The following STAB2 variants were observed in gnomAD, a reference collection of about 807,000 sequenced individuals.
STAB2 encodes the protein stabilin 2.
In STAB2, 288 loss-of-function variants were observed where a neutral mutation model predicts 338.1. The ratio of observed to expected loss-of-function variants is 0.85; its 90% CI spans 0.77 to 0.94. The LOEUF is 0.94. Ranked by LOEUF, STAB2 falls within the 40% of genes least tolerant of loss-of-function variation. The pLI, the probability that STAB2 is intolerant of heterozygous loss-of-function variation, is 0.00. For missense variants in STAB2, 3,141 were observed against 3,210.1 expected, an observed-to-expected ratio of 0.98 and a Z score of 0.52; for synonymous variants, 1,202 against 1,193.3, an observed-to-expected ratio of 1.01 and a Z score of -0.15.
chr12:103,600,136 G>A (rs889794891), intron 3 of STAB2, among the ~76,000 whole-genome samples: 5 of 152,192 alleles, frequency 3.3e-5, no homozygotes. Context: ...AATAGTACAT[G>A]CTCAATAAAT....
chr12:103,699,208 T>G lies in STAB2; in HGVS notation c.3695T>G (p.Phe1232Cys), dbSNP rs1878652763. The G allele has an allele frequency of 6.2e-7, 1 of 1,612,740 alleles. No homozygotes were observed. The highest frequency in any genetic ancestry group is 8.5e-7 in the Non-Finnish European group (1 of 1,178,986). ...TMLGFSYFLS[F>C]FLHNDQLYVN... ...CTGGGTTTCTCCTATTTCCTTAGCT[T>G]CTTTCTCCATAATGACCAGGTACGA... The change falls in exon 34 of 69, where the codon TTC (phenylalanine) becomes TGC (cysteine). Residue 1232 changes from phenylalanine to cysteine, a missense_variant. By Grantham distance (205) the Phe-to-Cys change is radical (BLOSUM62 -2). Transcript: ENST00000388887.
intron 9 of STAB2, among the ~76,000 whole-genome samples, chr12:103,643,148 T>C (rs1219460107): frequency 6.6e-6 from 1 of 152,092 alleles, no homozygotes; most frequent in African/African-American, 2.4e-5. Context: ...CCAAGGTGGA[T>C]AGGGGTAGGG....
chr12:103,662,339 G>A (rs566193403), intron 17 of STAB2, among the ~76,000 whole-genome samples: 1 of 152,206 alleles, frequency 6.6e-6, no homozygotes, highest in African/African-American at 2.4e-5. Context: ...TGCAGGGGGT[G>A]GGTGGCAGGT....
intron 51 of STAB2, 81 bp from the exon 52 acceptor site, chr12:103,735,409 TG>T: frequency 1.1e-6 from 1 of 882,822 alleles, no homozygotes; most frequent in Middle Eastern, 2.5e-4. Flanking sequence ...CATCTGAATT[TG>T]GTTTTTTGGT....
chr12:103,654,703 G>C lies in STAB2; in HGVS notation c.1551+5G>C. 1 of 1,612,860 alleles carries C rather than the reference G, an allele frequency of 6.2e-7. No individual in the cohort carries two copies. Among genetic ancestry groups the C allele is most frequent in the Non-Finnish European group, 8.5e-7 (1 of 1,179,554 alleles). On this transcript the variant is annotated splice_donor_5th_base_variant and intron_variant, in intron 13 of 68. Coordinates refer to ENST00000388887, the MANE Select transcript of STAB2 (RefSeq NM_017564.10). ...ACATTTGAGAGCAACAATGAGGTGA[G>C]TATTCAGATAAAAGTCACATCAGGC...
chr12:103,730,092 T>G, intron 48 of STAB2, 24 bp from the exon 49 acceptor site: 1 of 1,560,588 alleles, frequency 6.4e-7, no homozygotes, highest in Non-Finnish European at 8.6e-7. Context: ...CACTCATTTC[T>G]TTTTTGTTTT....
intron 28 of STAB2, among the ~76,000 whole-genome samples, 181 bp downstream of exon 28, chr12:103,688,396 C>T (rs1877623736): frequency 6.6e-6 from 1 of 152,130 alleles, no homozygotes; most frequent in Non-Finnish European, 1.5e-5. Context: ...AATATTCCTG[C>T]ATAGGTCCCA....
intron 49 of STAB2, among the ~76,000 whole-genome samples, chr12:103,731,121 CT>C: frequency 6.6e-6 from 1 of 152,134 alleles, no homozygotes; most frequent in Admixed American, 6.5e-5. Flanking sequence ...ACCTGATAAC[CT>C]TACCACCAAC....
intron 27 of STAB2, 86 bp from the exon 28 acceptor site, chr12:103,688,082 G>T: frequency 7.4e-7 from 1 of 1,352,014 alleles, no homozygotes. Flanking sequence ...AGGTGACCCA[G>T]AGATGCACTG....
At chr12:103,654,727 G>C in intron 13 of STAB2, 29 bp downstream of exon 13, 1 of 1,606,698 alleles carries the variant, frequency 6.2e-7, no homozygotes, top group African/African-American at 1.3e-5. Flanking sequence ...GTCACATCAG[G>C]CCAGGTCCAT....
intron 9 of STAB2, among the ~76,000 whole-genome samples, chr12:103,647,022 G>C (rs191102478): frequency 1.3e-5 from 2 of 152,196 alleles, no homozygotes; most frequent in Non-Finnish European, 2.9e-5. Flanking sequence ...GTAGTTTAGC[G>C]CTGCTGGAAT....
chr12:103,759,228 G>T lies in STAB2; in HGVS notation c.7203G>T (p.Leu2401=), dbSNP rs2271636. ...ATGGCACCACCCTGCAAACGAGGCT[G>T]GGAAGCAAGCTGCTCATCACTGCCA... ...LVNGTTLQTR[L]GSKLLITASQ... is the part of the protein sequence containing the mutation. The change falls in exon 65 of 69, where the codon CTG becomes CTT. Residue 2401 remains leucine, a synonymous_variant. Coordinates refer to ENST00000388887, the MANE Select transcript of STAB2 (RefSeq NM_017564.10). 15,959 of 1,614,164 alleles carry T rather than the reference G, an allele frequency of 9.9e-3. 730 individuals carry two copies. The highest frequency in any genetic ancestry group is 0.091 in the East Asian group (4,073 of 44,878).
At chr12:103,750,076 T>C (rs944499869) in intron 59 of STAB2, among the ~76,000 whole-genome samples, 2 of 152,092 alleles carry the variant, frequency 1.3e-5, no homozygotes, top group African/African-American at 2.4e-5. Context: ...GCAGACATCA[T>C]AGAGTTGTTG....
chr12:103,695,240 T>C (rs548300973), intron 31 of STAB2, among the ~76,000 whole-genome samples: 2 of 152,334 alleles, frequency 1.3e-5, no homozygotes, highest in Admixed American at 6.5e-5. Flanking sequence ...TCTGACAAGG[T>C]AGATTAATGC....
intron 37 of STAB2, 45 bp downstream of exon 37, chr12:103,705,772 G>A: frequency 1.3e-6 from 2 of 1,572,338 alleles, no homozygotes; most frequent in South Asian, 1.1e-5. Context: ...AGCACCATTG[G>A]GAAAATCCAT....
At chr12:103,719,808 G>T (rs11111731) in intron 44 of STAB2, among the ~76,000 whole-genome samples, 1 of 152,280 alleles carries the variant, frequency 6.6e-6, no homozygotes, top group East Asian at 1.9e-4. Context: ...CTTGCCCAAG[G>T]CCACAGAGCT....
At chr12:103,660,521 T>C (rs531550349) in intron 16 of STAB2, 137 bp downstream of exon 16, 30 of 1,266,730 alleles carry the variant, frequency 2.4e-5, no homozygotes, top group Admixed American at 8.6e-5. Context: ...GAACAATGAG[T>C]CCATTATCAG....
At chr12:103,742,608 T>G (rs1882677481) in intron 56 of STAB2, 54 bp downstream of exon 56, 1 of 1,608,402 alleles carries the variant, frequency 6.2e-7, no homozygotes, top group Non-Finnish European at 8.5e-7. Flanking sequence ...GTGTGCTCCC[T>G]GTCCTTGTTC....
chr12:103,623,211 G>A (rs886577707), intron 5 of STAB2, among the ~76,000 whole-genome samples: 1 of 152,182 alleles, frequency 6.6e-6, no homozygotes, highest in Non-Finnish European at 1.5e-5. Flanking sequence ...AGCTCTGGGG[G>A]TCGGTGCAGA....
Sources: allele counts gnomAD v4.1 joint callset (sites outside exome capture counted in the v4.1 genomes callset), GRCh38; gene constraint gnomAD v4.1.1; transcripts MANE v1.5; gene names NCBI Gene and HGNC (gene_info 2026-07-23, HGNC 2026-07-21).